Variants in MARCHF3 observed in about 807,000 individuals in gnomAD.
The protein encoded by MARCHF3 is membrane associated ring-CH-type finger 3, also known as E3 ubiquitin-protein ligase MARCHF3.
A neutral mutation model predicts 24.2 loss-of-function variants in MARCHF3; 13 were observed. The observed-to-expected ratio is 0.54, with a 90% confidence interval of 0.35 to 0.85. The LOEUF (loss-of-function observed/expected upper bound fraction) is 0.85. Among genes scored for constraint, MARCHF3 ranks in the 40% least tolerant of loss-of-function variants. The pLI is 0.01. For synonymous variants in MARCHF3, 144 were observed against 137.3 expected, an observed-to-expected ratio of 1.05 and a Z score of -0.34; for missense variants, 276 against 325.0, an observed-to-expected ratio of 0.85 and a Z score of 1.16.
chr5:126,906,408 G>T (rs1295882569), intron 3 of MARCHF3, among the ~76,000 whole-genome samples: 1 of 152,162 alleles, frequency 6.6e-6, no homozygotes, highest in African/African-American at 2.4e-5. Flanking sequence ...GTTCCTCCTT[G>T]TACCTCTGGT....
chr5:126,956,645 C>CAAA (rs60640113), intron 1 of MARCHF3, among the ~76,000 whole-genome samples: 1 of 20,584 alleles, frequency 4.9e-5, no homozygotes, highest in African/African-American at 2.2e-4. Context: ...GCTCTGTCTC[C>CAAA]AAAAAAAAAA....
At chr5:126,956,074 T>C (rs1359998266) in intron 1 of MARCHF3, among the ~76,000 whole-genome samples, 1 of 152,240 alleles carries the variant, frequency 6.6e-6, no homozygotes, top group Non-Finnish European at 1.5e-5. Flanking sequence ...TTGTCTACTC[T>C]ATGCCAAATT....
chr5:127,004,960 T>TA (rs763590930), intron 1 of MARCHF3, among the ~76,000 whole-genome samples: 2,170 of 143,548 alleles, frequency 0.015, 66 homozygotes, highest in African/African-American at 0.051. Flanking sequence ...ATGCTGGAGT[T>TA]AAAAAAAAAA....
rs1286378351 is a variant in MARCHF3 at position 126,870,799 on chromosome 5, T to C, written c.604-8A>G. The stretch of plus-strand genomic sequence containing the variant: ...GTGGTACCTAAATGACACCTGGGGA[T>C]GGGAGAGGAAAAGTAAGAGAAAAGA... On this transcript the variant is annotated splice_polypyrimidine_tract_variant and splice_region_variant and intron_variant, in intron 4 of 4. Coordinates refer to ENST00000308660, the MANE Select transcript of MARCHF3 (RefSeq NM_178450.5). 1 of 1,613,404 alleles carries C rather than the reference T, an allele frequency of 6.2e-7. No individual in the cohort carries two copies.
chr5:127,007,395 G>GTA (rs1752342825), intron 1 of MARCHF3, among the ~76,000 whole-genome samples: 1 of 149,754 alleles, frequency 6.7e-6, no homozygotes, highest in Admixed American at 6.6e-5. Flanking sequence ...ATTTAATTTA[G>GTA]TAAAGTTTTA....
chr5:126,945,031 T>C (rs1396453377), intron 1 of MARCHF3, among the ~76,000 whole-genome samples: 1 of 152,190 alleles, frequency 6.6e-6, no homozygotes, highest in African/African-American at 2.4e-5. Flanking sequence ...CCATCCCTTC[T>C]TTTTATTTGC....
At chr5:126,927,781 C>G (rs1158248816) in intron 1 of MARCHF3, among the ~76,000 whole-genome samples, 1 of 152,150 alleles carries the variant, frequency 6.6e-6, no homozygotes, top group Admixed American at 6.5e-5. Flanking sequence ...AATCAAATAT[C>G]TGTGTTGTTC....
chr5:126,930,713 T>A (rs1280231830), intron 1 of MARCHF3, among the ~76,000 whole-genome samples: 1 of 152,216 alleles, frequency 6.6e-6, no homozygotes, highest in Non-Finnish European at 1.5e-5. Flanking sequence ...ACATTTCCCC[T>A]TCCTTCTTCT....
intron 1 of MARCHF3, among the ~76,000 whole-genome samples, chr5:126,989,123 T>TA (rs1751659041): frequency 6.6e-6 from 1 of 151,698 alleles, no homozygotes; most frequent in African/African-American, 2.4e-5. Context: ...CTACAAAAAT[T>TA]AAAAAATTAG....
At chr5:126,958,849 A>T (rs754165424) in intron 1 of MARCHF3, among the ~76,000 whole-genome samples, 6 of 152,218 alleles carry the variant, frequency 3.9e-5, no homozygotes, top group Non-Finnish European at 7.4e-5. Flanking sequence ...CATAGGATCC[A>T]AGTGAATGAG....
At chr5:126,873,955 G>A (rs1431979186) in intron 4 of MARCHF3, among the ~76,000 whole-genome samples, 1 of 152,048 alleles carries the variant, frequency 6.6e-6, no homozygotes, top group Non-Finnish European at 1.5e-5. Flanking sequence ...AAAGAAAGGA[G>A]GTCTAATTTA....
chr5:126,973,942 C>T (rs951930960), intron 1 of MARCHF3, among the ~76,000 whole-genome samples: 1 of 125,866 alleles, frequency 7.9e-6, no homozygotes, highest in Non-Finnish European at 1.6e-5. Flanking sequence ...CCAGGCCGGA[C>T]TGCGGACTGC....
In MARCHF3 at chr5:126,874,961, G is replaced by A. The variant is rs181425863; in HGVS notation, c.603+3224C>T. Among the ~76,000 whole-genome samples, 7 of 152,200 alleles carry A rather than the reference G, an allele frequency of 4.6e-5. No individual in the cohort carries two copies. In the South Asian group the frequency reaches 6.2e-4, roughly 14 times the overall value. ...CTGGGAGTCACACTTTGAGGAACCG[G>A]GTCGCTCATTCATTCCCTTCTGTGC... On this transcript the variant is annotated intron_variant, in intron 4 of 4. Coordinates refer to ENST00000308660, the MANE Select transcript of MARCHF3 (RefSeq NM_178450.5).
chr5:126,978,488 G>C (rs1033016817), intron 1 of MARCHF3, among the ~76,000 whole-genome samples: 1 of 152,176 alleles, frequency 6.6e-6, no homozygotes, highest in African/African-American at 2.4e-5. Flanking sequence ...CTAGATAACA[G>C]AGATTTATGA....
At chr5:126,966,942 TTTTG>T (rs1750837717) in intron 1 of MARCHF3, among the ~76,000 whole-genome samples, 2 of 126,462 alleles carry the variant, frequency 1.6e-5, no homozygotes, top group African/African-American at 5.9e-5. Flanking sequence ...TTTTTTTTTT[TTTTG>T]CTATTACCTA....
intron 1 of MARCHF3, among the ~76,000 whole-genome samples, chr5:126,986,370 C>G (rs1009780930): frequency 6.6e-6 from 1 of 152,084 alleles, no homozygotes; most frequent in Non-Finnish European, 1.5e-5. Context: ...TTATACAAAG[C>G]TAAATAATTT....
At chr5:127,030,204 C>T (rs78254848) in intron 1 of MARCHF3, 146 bp downstream of exon 1, 3,117 of 152,322 alleles carry the variant, frequency 0.02, 77 homozygotes, top group South Asian at 0.12. Flanking sequence ...GATATTGGCA[C>T]GGAGTAAATC....
intron 1 of MARCHF3, among the ~76,000 whole-genome samples, chr5:126,932,216 C>T (rs778154552): frequency 1.3e-5 from 2 of 152,220 alleles, no homozygotes; most frequent in African/African-American, 2.4e-5. Flanking sequence ...GAAGCAGAAA[C>T]AAAGCTCAGG....
rs1436482956 is a variant in MARCHF3, at chr5:126,870,563, T to C, written c.*70A>G. The C allele has an allele frequency of 1.3e-5, 20 of 1,491,968 alleles. No individual in the cohort carries two copies. Among genetic ancestry groups the C allele is most frequent in the Non-Finnish European group, 1.6e-5 (17 of 1,077,138 alleles). The allele number at this position is 1,491,968 out of a possible 1,614,324, so 92.4% of individuals were successfully genotyped here. A position where few individuals can be genotyped will look rare whatever the true frequency, so the allele number is the denominator to read the frequency against. ...AAGGAAGGGCTTGGGGGTCGCTCAG[T>C]GCATGACCCCAGTGCAGACACTTCC... On this transcript the variant is annotated 3_prime_UTR_variant, in exon 5 of 5. Transcript: ENST00000308660.
Sources: gnomAD v4.1 joint callset for allele counts (sites outside exome capture counted in the v4.1 genomes callset) on GRCh38, gnomAD v4.1.1 for gene constraint, MANE v1.5 for transcripts, NCBI Gene and HGNC (gene_info 2026-07-23, HGNC 2026-07-21) for gene names.